ARAP2: variants seen among roughly 807,000 people sequenced by gnomAD.
The protein encoded by ARAP2 is ArfGAP with RhoGAP domain, ankyrin repeat and PH domain 2.
In ARAP2, 148 loss-of-function variants were observed where a neutral mutation model predicts 194.5. The observed-to-expected ratio is 0.76, with a 90% CI of 0.67 to 0.87. ARAP2 has a LOEUF of 0.87. Among genes scored for constraint, ARAP2 ranks in the 40% least tolerant of loss-of-function variants. The pLI is 0.00. For synonymous variants in ARAP2, 695 were observed against 683.5 expected (o/e 1.02, Z -0.26); for missense variants, 2,128 against 1,989.7 (o/e 1.07, Z -1.32).
At chr4:36,240,418 G>A (rs1468286711) in intron 1 of ARAP2, among the ~76,000 whole-genome samples, 6 of 152,202 alleles carry the variant, frequency 3.9e-5, no homozygotes, top group Non-Finnish European at 8.8e-5. Context: ...CATGTAGTTA[G>A]AGTTGTAAGA....
chr4:36,205,540 A>G (rs1745360209), intron 6 of ARAP2, among the ~76,000 whole-genome samples: 1 of 152,174 alleles, frequency 6.6e-6, no homozygotes, highest in African/African-American at 2.4e-5. Flanking sequence ...TTATCAAAGT[A>G]TGAACTGACT....
In ARAP2 at chr4:36,017,564, TAAAAAA is replaced by T. The variant is rs71199694; in HGVS notation, n.750+1574_750+1579del. Among the ~76,000 whole-genome samples the T allele has an allele frequency of 6.8e-4, 29 of 42,572 alleles. 3 individuals carry two copies. The highest frequency in any genetic ancestry group is 4.5e-3 in the Admixed American group (10 of 2,234). 27.9% of individuals were successfully genotyped at this position (42,572 alleles called of 152,430 possible). ...TTTAAGCAAAGACCTAAGAAAGTGGTAAAAAAAAAAAAAAAAAAAAAAAGCTTTCTG... is the reference window on the plus strand; with the variant it reads ...TTTAAGCAAAGACCTAAGAAAGTGGTAAAAAAAAAAAAAAAAAGCTTTCTG... On this transcript the variant is annotated intron_variant and non_coding_transcript_variant, in intron 6 of 12. Transcript: ENST00000503225.
rs1207112552 is a variant in ARAP2, at chr4:36,067,201, A to G, written c.*706T>C. On this transcript the variant is annotated 3_prime_UTR_variant, in exon 33 of 33. Coordinates refer to ENST00000303965, the MANE Select transcript of ARAP2 (RefSeq NM_015230.4). ...TGGTTTTCTAACACTATAAATATTA[A>G]TAAGAGTGGCTAGTGCTATTATTTA... 1.3e-5 allele frequency: 2 copies of G among 152,552 alleles called. No homozygotes were observed. Among genetic ancestry groups the G allele is most frequent in the Non-Finnish European group, 2.9e-5 (2 of 68,046 alleles). 9.4% of individuals were successfully genotyped at this position (152,552 alleles called of 1,614,324 possible).
At position 36,083,422 on chromosome 4, in the gene ARAP2, A is replaced by C; in HGVS notation, c.4454T>G (p.Leu1485Arg). ...TCCACGATAAAACTTCATGGAACTG[A>C]GAGAAAACATCTTGTCATGTTTACT... The part of the protein sequence containing the change: ...KSSKHDKMFS[L>R]SSMKFYRGVK... Residue 1485 changes from leucine (L) to arginine (R), a missense_variant, in exon 29 of 33, where the codon CTC (leucine) becomes CGC (arginine). Leu to Arg is a moderately radical substitution (Grantham distance 102, BLOSUM62 -2). Transcript: ENST00000303965. 1 of 1,606,810 alleles carries C rather than the reference A, an allele frequency of 6.2e-7. No homozygotes were observed. The highest frequency in any genetic ancestry group is 8.5e-7 in the Non-Finnish European group (1 of 1,177,038).
intron 1 of ARAP2, among the ~76,000 whole-genome samples, chr4:36,231,075 G>A (rs1026229143): frequency 2.0e-5 from 3 of 152,146 alleles, no homozygotes; most frequent in Non-Finnish European, 2.9e-5. Context: ...AGTGGCTCAC[G>A]CCTGTAATCC....
chr4:36,164,215 T>C (rs1325992798), intron 11 of ARAP2, among the ~76,000 whole-genome samples: 1 of 152,182 alleles, frequency 6.6e-6, no homozygotes, highest in Non-Finnish European at 1.5e-5. Context: ...TGTGTGTGTG[T>C]ACATACAGTG....
chr4:36,121,391 C>A (rs532338578), intron 22 of ARAP2, 65 bp from the exon 23 acceptor site: 2 of 1,431,516 alleles, frequency 1.4e-6, no homozygotes, highest in Non-Finnish European at 1.9e-6. Flanking sequence ...GAACAGAAAG[C>A]CAGTTTATCA....
chr4:36,059,827 A>T (rs1159914066), intron 1 of ARAP2, among the ~76,000 whole-genome samples: 2 of 152,170 alleles, frequency 1.3e-5, no homozygotes, highest in African/African-American at 4.8e-5. Context: ...CAATATGATG[A>T]CTGAAAACTG....
Position 36,067,277 on chromosome 4 carries a change from TAAC to T in ARAP2, c.*627_*629del, listed in dbSNP as rs1725691382. On this transcript the variant is annotated 3_prime_UTR_variant, in exon 33 of 33. Coordinates refer to ENST00000303965, the MANE Select transcript of ARAP2 (RefSeq NM_015230.4). ...GAGAAATAAACACTGGACTTTTTCT[TAAC>T]AAGTGGTTTCTCATTGACAAGTTCT... 1 of 152,664 alleles carries T rather than the reference TAAC, an allele frequency of 6.6e-6. No homozygotes were observed. The highest frequency in any genetic ancestry group is 2.1e-4 in the South Asian group (1 of 4,834). The allele number at this position is 152,664 out of a possible 1,614,324, so 9.5% of individuals were successfully genotyped here. A position where few individuals can be genotyped will look rare whatever the true frequency, so the allele number is the denominator to read the frequency against.
intron 20 of ARAP2, among the ~76,000 whole-genome samples, chr4:36,129,078 TCTCA>T (rs1036154534): frequency 9.9e-5 from 15 of 151,954 alleles, no homozygotes; most frequent in African/African-American, 3.6e-4. Context: ...TACCTCCATT[TCTCA>T]CTGACAAAAG....
At chr4:36,147,455 G>C in intron 18 of ARAP2, 93 bp downstream of exon 18, 2 of 1,549,856 alleles carry the variant, frequency 1.3e-6, no homozygotes, top group Non-Finnish European at 1.8e-6. Context: ...TCATAAGTTT[G>C]GGAGTAAGCC....
At chr4:36,194,488 A>C (rs991803335) in intron 6 of ARAP2, among the ~76,000 whole-genome samples, 1 of 152,180 alleles carries the variant, frequency 6.6e-6, no homozygotes, top group African/African-American at 2.4e-5. Context: ...TTTCTAAACA[A>C]ATATCAACTC....
At chr4:36,051,043 T>A (rs1181593498) in intron 3 of ARAP2, among the ~76,000 whole-genome samples, 1 of 152,230 alleles carries the variant, frequency 6.6e-6, no homozygotes, top group East Asian at 1.9e-4. Flanking sequence ...ATCTCACGTA[T>A]CATGAAGACT....
rs369020743 is a variant in ARAP2, at chr4:36,093,626, TA to T, written c.4286-1607del. Among the ~76,000 whole-genome samples, 1,277 of 151,558 alleles carry T rather than the reference TA, an allele frequency of 8.4e-3. 18 individuals are homozygous for T. The highest frequency in any genetic ancestry group is 0.029 in the African/African-American group (1,209 of 41,374). On this transcript the variant is annotated intron_variant, in intron 27 of 32. Coordinates refer to ENST00000303965, the MANE Select transcript of ARAP2 (RefSeq NM_015230.4). ...AATTGAAGGAGATTAAAACTCAACT[TA>T]AAAAAAAATTGTATTTTGGATTCAG...
chr4:36,048,205 C>G (rs894466803), intron 3 of ARAP2, among the ~76,000 whole-genome samples: 7 of 152,082 alleles, frequency 4.6e-5, no homozygotes, highest in Non-Finnish European at 1.0e-4. Context: ...TTTCCGAACT[C>G]TTTATTATTT....
intron 21 of ARAP2, among the ~76,000 whole-genome samples, chr4:36,128,235 T>C (rs1157461448): frequency 5.9e-5 from 9 of 151,978 alleles, no homozygotes; most frequent in Admixed American, 2.0e-4. Context: ...TGGACTTGAC[T>C]GTAACATTCC....
chr4:36,082,315 T>A, intron 29 of ARAP2, 29 bp from the exon 30 acceptor site: 1 of 1,592,292 alleles, frequency 6.3e-7, no homozygotes, highest in Non-Finnish European at 8.6e-7. Context: ...AAAACACACA[T>A]AAATTAAAAA....
chr4:36,117,407 C>A (rs376331903), intron 24 of ARAP2, among the ~76,000 whole-genome samples: 2 of 151,668 alleles, frequency 1.3e-5, no homozygotes, highest in Non-Finnish European at 3.0e-5. Context: ...AAATACCTTA[C>A]ATTTTTCCTA....
intron 1 of ARAP2, among the ~76,000 whole-genome samples, chr4:36,241,629 T>C (rs1032296279): frequency 6.6e-6 from 1 of 152,130 alleles, no homozygotes; most frequent in Admixed American, 6.5e-5. Context: ...GAACAATCAG[T>C]TCATTATTAC....
Sources: gnomAD v4.1 joint callset for allele counts (sites outside exome capture counted in the v4.1 genomes callset) on GRCh38, gnomAD v4.1.1 for gene constraint, MANE v1.5 for transcripts, NCBI Gene and HGNC (gene_info 2026-07-23, HGNC 2026-07-21) for gene names.